TENM4: variants seen among roughly 807,000 people sequenced by gnomAD.
The protein encoded by TENM4 is teneurin transmembrane protein 4.
A neutral mutation model predicts 243.3 loss-of-function variants in TENM4; 82 were observed. The observed-to-expected ratio is 0.34, with a 90% confidence interval of 0.28 to 0.40. The LOEUF is 0.40. Ranked by LOEUF, TENM4 falls within the 10% of genes least tolerant of loss-of-function variation. The pLI, the probability that TENM4 is intolerant of heterozygous loss-of-function variation, is 1.00. For synonymous variants in TENM4, 1,412 were observed against 1,456.3 expected (o/e 0.97, Z 0.69); for missense variants, 3,138 against 3,673.3 (o/e 0.85, Z 3.77).
chr11:78,701,199 T>G (rs1859093571), intron 28 of TENM4, among the ~76,000 whole-genome samples: 1 of 151,844 alleles, frequency 6.6e-6, no homozygotes, highest in South Asian at 2.1e-4. Context: ...GTAAGTACTT[T>G]TCATCTACAC....
chr11:79,330,580 G>A (rs929566671), intron 1 of TENM4, among the ~76,000 whole-genome samples: 4 of 152,134 alleles, frequency 2.6e-5, no homozygotes, highest in Admixed American at 6.5e-5. Context: ...TCTGTAAAAC[G>A]GAATGGCCAC....
rs1213062854 is a variant in TENM4, at chr11:78,653,325, G to T, written c.*4733C>A. The T allele has an allele frequency of 6.6e-6, 1 of 152,084 alleles. No individual in the cohort carries two copies. Among genetic ancestry groups the T allele is most frequent in the African/African-American group, 2.4e-5 (1 of 41,412 alleles). The allele number at this position is 152,084 out of a possible 1,614,324, so 9.4% of individuals were successfully genotyped here. ...TTATTTGTCAACGAAGGCTACACGGGATCACTTCTGGTTTTGTTTTTATGC... is the reference window on the plus strand; with the variant it reads ...TTATTTGTCAACGAAGGCTACACGGTATCACTTCTGGTTTTGTTTTTATGC... On this transcript the variant is annotated 3_prime_UTR_variant, in exon 34 of 34. Coordinates refer to ENST00000278550, the MANE Select transcript of TENM4 (RefSeq NM_001098816.3).
intron 4 of TENM4, chr11:79,097,777 G>A (rs2137069690): frequency 6.6e-6 from 1 of 151,066 alleles, no homozygotes. Context: ...TACAGTAGAT[G>A]ATATTTCTCA....
chr11:79,072,799 A>T (rs1340675821), intron 4 of TENM4, among the ~76,000 whole-genome samples: 1 of 152,226 alleles, frequency 6.6e-6, no homozygotes, highest in East Asian at 1.9e-4. Context: ...GACAATAATG[A>T]TGATGATAAT....
intron 1 of TENM4, among the ~76,000 whole-genome samples, chr11:79,366,665 C>T (rs781590726): frequency 6.6e-6 from 1 of 152,198 alleles, no homozygotes; most frequent in Non-Finnish European, 1.5e-5. Flanking sequence ...CTCCACTGTA[C>T]AGTGCCTGGC....
intron 6 of TENM4, among the ~76,000 whole-genome samples, chr11:78,910,076 C>G (rs893660613): frequency 1.3e-5 from 2 of 152,170 alleles, no homozygotes; most frequent in African/African-American, 4.8e-5. Context: ...TGAGAAAAAG[C>G]CATAAACTTC....
intron 4 of TENM4, among the ~76,000 whole-genome samples, chr11:79,141,326 A>G (rs545341521): frequency 1.3e-5 from 2 of 152,286 alleles, no homozygotes; most frequent in African/African-American, 4.8e-5. Context: ...CTGACACTGC[A>G]TAAATTCAAA....
At chr11:78,972,290 G>A (rs555705911) in intron 6 of TENM4, among the ~76,000 whole-genome samples, 3 of 152,112 alleles carry the variant, frequency 2.0e-5, no homozygotes, top group South Asian at 4.2e-4. Flanking sequence ...CCCCTGGTCC[G>A]GCAGCTCCCA....
At chr11:79,350,749 TCTTCTAA>T (rs1323861736) in intron 1 of TENM4, among the ~76,000 whole-genome samples, 2 of 151,862 alleles carry the variant, frequency 1.3e-5, no homozygotes, top group East Asian at 1.9e-4. Flanking sequence ...CCTGTCACAG[TCTTCTAA>T]CTTCTAATTT....
chr11:79,277,680 G>GC (rs1044864655), intron 2 of TENM4, among the ~76,000 whole-genome samples: 3 of 152,302 alleles, frequency 2.0e-5, no homozygotes, highest in African/African-American at 7.2e-5. Flanking sequence ...CTGGGGGCCT[G>GC]CTGCTGTCAG....
rs559402249 is a variant in TENM4 at position 79,017,557 on chromosome 11, G to A, written c.493+47181C>T. On this transcript the variant is annotated intron_variant, in intron 6 of 33. Transcript: ENST00000278550. ...AAAAAACAAAAAGTGGTTATCTATG[G>A]GAAGGGGATAAGGGATGTTGGGAAT... Among the ~76,000 whole-genome samples, 8 of 152,276 alleles carry A rather than the reference G, an allele frequency of 5.3e-5. No homozygotes were observed. The South Asian group carries it at 1.5e-3, about 28-fold the overall frequency.
intron 4 of TENM4, among the ~76,000 whole-genome samples, chr11:79,125,827 G>A (rs756602955): frequency 7.2e-5 from 11 of 152,154 alleles, no homozygotes; most frequent in Admixed American, 2.0e-4. Flanking sequence ...ACCCCTGTTT[G>A]CTTCTAGACC....
chr11:79,082,231 C>A (rs1450423878), intron 4 of TENM4, among the ~76,000 whole-genome samples: 1 of 152,182 alleles, frequency 6.6e-6, no homozygotes, highest in Non-Finnish European at 1.5e-5. Context: ...AGCTGGAAAC[C>A]TTTGCGAGCC....
Position 78,816,731 on chromosome 11 carries a change from A to G in TENM4, c.1682-2336T>C, listed in dbSNP as rs148506228. Among the ~76,000 whole-genome samples, 37 of 152,348 alleles carry G rather than the reference A, an allele frequency of 2.4e-4. 1 individual carries two copies. Among genetic ancestry groups the G allele is most frequent in the Admixed American group, 2.3e-3 (35 of 15,302 alleles). Reference sequence around the variant, plus strand: ...CAGTCTATTGTCTTAGCTCACAACTATAAGTCATGAAGCCAAGATCTAGGC... The same window carrying G: ...CAGTCTATTGTCTTAGCTCACAACTGTAAGTCATGAAGCCAAGATCTAGGC... On this transcript the variant is annotated intron_variant, in intron 12 of 33. Transcript: ENST00000278550.
intron 6 of TENM4, among the ~76,000 whole-genome samples, chr11:78,904,945 G>A (rs1159601810): frequency 1.3e-5 from 2 of 152,198 alleles, no homozygotes; most frequent in African/African-American, 2.4e-5. Flanking sequence ...TATTATGCGG[G>A]TGGTGAAGAG....
intron 19 of TENM4, among the ~76,000 whole-genome samples, chr11:78,744,412 A>C (rs1224409784): frequency 6.6e-6 from 1 of 152,228 alleles, no homozygotes; most frequent in Non-Finnish European, 1.5e-5. Flanking sequence ...CACCTCTTTC[A>C]AACTTCTTTT....
At chr11:79,008,471 T>A (rs971924515) in intron 6 of TENM4, among the ~76,000 whole-genome samples, 9 of 152,262 alleles carry the variant, frequency 5.9e-5, no homozygotes, top group African/African-American at 2.2e-4. Context: ...TAACATTTTG[T>A]TATATATACA....
intron 4 of TENM4, among the ~76,000 whole-genome samples, chr11:79,103,585 A>C (rs1861286836): frequency 6.6e-6 from 1 of 152,266 alleles, no homozygotes; most frequent in East Asian, 1.9e-4. Flanking sequence ...AGCAATTGCA[A>C]GATGCACCAT....
At chr11:78,871,605 G>A (rs1214377298) in intron 9 of TENM4, among the ~76,000 whole-genome samples, 1 of 152,178 alleles carries the variant, frequency 6.6e-6, no homozygotes, top group East Asian at 1.9e-4. Context: ...CTCTTCCCAC[G>A]AAGTGACCCT....
Sources: allele counts gnomAD v4.1 joint callset (sites outside exome capture counted in the v4.1 genomes callset), GRCh38; gene constraint gnomAD v4.1.1; transcripts MANE v1.5; gene names NCBI Gene and HGNC (gene_info 2026-07-23, HGNC 2026-07-21).